Variants in LSAMP observed in about 807,000 individuals in gnomAD.
The protein encoded by LSAMP is limbic system associated membrane protein, also known as limbic system-associated membrane protein.
LSAMP carries 7 observed loss-of-function variants against 38.6 expected under a neutral mutation model. The observed-to-expected ratio is 0.18, with a 90% confidence interval of 0.10 to 0.34. LSAMP has a LOEUF of 0.34. Among genes scored for constraint, LSAMP ranks in the 10% least tolerant of loss-of-function variants. The pLI, the probability that LSAMP is intolerant of heterozygous loss-of-function variation, is 1.00. For missense variants in LSAMP, 313 were observed against 420.0 expected (o/e 0.75, Z 2.23); for synonymous variants, 154 against 166.8 (o/e 0.92, Z 0.59).
intron 3 of LSAMP, among the ~76,000 whole-genome samples, chr3:116,002,613 T>C (rs1576298351): frequency 2.6e-5 from 4 of 152,024 alleles, no homozygotes; most frequent in Non-Finnish European, 5.9e-5. Context: ...ATGAGAGAGA[T>C]ACTAGCCAAG....
intron 1 of LSAMP, among the ~76,000 whole-genome samples, chr3:116,412,134 T>C (rs1183873650): frequency 6.6e-6 from 1 of 152,070 alleles, no homozygotes; most frequent in Non-Finnish European, 1.5e-5. Context: ...TACCACTAAT[T>C]CTGCTTCCCT....
chr3:115,941,473 G>T (rs924578983), intron 3 of LSAMP, among the ~76,000 whole-genome samples: 1 of 151,982 alleles, frequency 6.6e-6, no homozygotes, highest in Non-Finnish European at 1.5e-5. Flanking sequence ...TATCTGTACC[G>T]CCATGTTCAC....
At chr3:116,237,952 T>G (rs1363775447) in intron 1 of LSAMP, among the ~76,000 whole-genome samples, 2 of 152,164 alleles carry the variant, frequency 1.3e-5, no homozygotes, top group Non-Finnish European at 1.5e-5. Context: ...AATTCTTTAT[T>G]GCGAAGGACA....
At chr3:115,853,719 C>T (rs1035258715) in intron 3 of LSAMP, among the ~76,000 whole-genome samples, 1 of 151,942 alleles carries the variant, frequency 6.6e-6, no homozygotes, top group Non-Finnish European at 1.5e-5. Context: ...CCAGAAAGGC[C>T]CAAGGACTTC....
intron 3 of LSAMP, among the ~76,000 whole-genome samples, chr3:115,856,323 A>G (rs1004058189): frequency 1.3e-5 from 2 of 152,176 alleles, no homozygotes; most frequent in African/African-American, 4.8e-5. Context: ...GTGCCCTTAT[A>G]AAAGAAACTC....
chr3:115,997,713 GATATATATATATATATATAT>G (rs376845636), intron 3 of LSAMP, among the ~76,000 whole-genome samples: 26 of 91,666 alleles, frequency 2.8e-4, no homozygotes, highest in South Asian at 2.5e-3. Flanking sequence ...GACATTTTGG[GATATATATATATATATATAT>G]ATATATATAT....
In LSAMP at chr3:115,810,233, C is replaced by G. The variant is rs1399782743; in HGVS notation, c.*84G>C. 2.1e-6 allele frequency: 2 copies of G among 948,334 alleles called. No homozygotes were observed. Among genetic ancestry groups the G allele is most frequent in the African/African-American group, 3.5e-5 (2 of 57,428 alleles). The allele number at this position is 948,334 out of a possible 1,614,324, so 58.7% of individuals were successfully genotyped here. A position where few individuals can be genotyped will look rare whatever the true frequency, so the allele number is the denominator to read the frequency against. ...AACGGTCTCCCCCATCTCTCTCTCT[C>G]TCTCTCTCTCTGTCTCTCTCTCTCT... On this transcript the variant is annotated 3_prime_UTR_variant, in exon 7 of 7. Coordinates refer to ENST00000490035, the MANE Select transcript of LSAMP (RefSeq NM_002338.5).
At chr3:115,816,708 AAC>A in intron 6 of LSAMP, 1 of 986,508 alleles carries the variant, frequency 1.0e-6, no homozygotes, top group Non-Finnish European at 1.4e-6. Flanking sequence ...ATTAAGAAGA[AAC>A]ACAAAGGTAA....
intron 1 of LSAMP, among the ~76,000 whole-genome samples, chr3:116,197,118 G>T (rs982251006): frequency 3.4e-5 from 4 of 119,032 alleles, no homozygotes; most frequent in African/African-American, 1.3e-4. Context: ...TAAAACAAAA[G>T]TATCCCACTC....
At position 115,813,190 on chromosome 3, in the gene LSAMP, A is replaced by G. The variant is rs1318078386; in HGVS notation, c.920-2776T>C. On this transcript the variant is annotated intron_variant, in intron 6 of 6. Coordinates refer to ENST00000490035, the MANE Select transcript of LSAMP (RefSeq NM_002338.5). Reference sequence around the variant, plus strand: ...TCATAATATTATTATATACAGTCATATGCTACATTACATTTCAGTCAAAGA... The same window carrying G: ...TCATAATATTATTATATACAGTCATGTGCTACATTACATTTCAGTCAAAGA... Among the ~76,000 whole-genome samples the G allele has an allele frequency of 2.0e-5, 3 of 152,244 alleles. No homozygotes were observed. In the South Asian group the frequency reaches 6.2e-4, roughly 32 times the overall value.
At chr3:116,408,469 G>T (rs931860471) in intron 1 of LSAMP, among the ~76,000 whole-genome samples, 4 of 152,076 alleles carry the variant, frequency 2.6e-5, no homozygotes, top group African/African-American at 9.7e-5. Flanking sequence ...ATTTTAGAAA[G>T]AAGCAGTGGG....
Position 116,337,701 on chromosome 3 carries a change from GA to G in LSAMP, c.155+107175del, listed in dbSNP as rs1244394130. Among the ~76,000 whole-genome samples the G allele has an allele frequency of 5.9e-5, 9 of 151,946 alleles. No homozygotes were observed. The South Asian group carries it at 1.9e-3, about 31-fold the overall frequency. On this transcript the variant is annotated intron_variant, in intron 1 of 6. Coordinates refer to ENST00000490035, the MANE Select transcript of LSAMP (RefSeq NM_002338.5). ...GGTCTCCTTGACAGTCAAGGACAGA[GA>G]AAAGGTAGGTGCATGTTAACAAAAA...
chr3:116,172,874 C>T (rs1332099377), intron 1 of LSAMP, among the ~76,000 whole-genome samples: 1 of 151,828 alleles, frequency 6.6e-6, no homozygotes, highest in African/African-American at 2.4e-5. Flanking sequence ...GTTTCTTTCC[C>T]CTCTTCATGA....
At chr3:115,948,768 A>C (rs988591801) in intron 3 of LSAMP, among the ~76,000 whole-genome samples, 2 of 152,234 alleles carry the variant, frequency 1.3e-5, no homozygotes, top group African/African-American at 4.8e-5. Flanking sequence ...TAAGAAAAGA[A>C]ATAACAAAGA....
intron 1 of LSAMP, among the ~76,000 whole-genome samples, chr3:116,352,312 G>C (rs986982750): frequency 2.0e-5 from 3 of 152,034 alleles, no homozygotes; most frequent in African/African-American, 7.2e-5. Context: ...TGAAAGAGTT[G>C]GGTTGAGGAA....
At chr3:116,113,419 TA>T (rs10530564) in intron 1 of LSAMP, among the ~76,000 whole-genome samples, 681 of 45,244 alleles carry the variant, frequency 0.015, 17 homozygotes, top group African/African-American at 0.07. Context: ...TATATATATA[TA>T]TTTTTTTTTT....
intron 3 of LSAMP, among the ~76,000 whole-genome samples, chr3:116,007,577 T>C (rs1423956427): frequency 6.6e-6 from 1 of 152,186 alleles, no homozygotes; most frequent in Non-Finnish European, 1.5e-5. Flanking sequence ...TCTGTGCAGT[T>C]GTTACTTCTA....
chr3:115,953,321 A>C (rs903549501), intron 3 of LSAMP, among the ~76,000 whole-genome samples: 1 of 151,860 alleles, frequency 6.6e-6, no homozygotes, highest in Non-Finnish European at 1.5e-5. Context: ...GAATGTATGT[A>C]TGCAGTAGAA....
chr3:116,014,299 C>T (rs1011220503), intron 3 of LSAMP, among the ~76,000 whole-genome samples: 13 of 152,084 alleles, frequency 8.5e-5, no homozygotes, highest in African/African-American at 3.1e-4. Context: ...TGTGTGTTTA[C>T]AGAGTGAACA....
Sources: allele counts gnomAD v4.1 joint callset (sites outside exome capture counted in the v4.1 genomes callset), GRCh38; gene constraint gnomAD v4.1.1; transcripts MANE v1.5; gene names NCBI Gene and HGNC (gene_info 2026-07-23, HGNC 2026-07-21).